The following LRRC37A variants were observed in gnomAD, a reference collection of about 807,000 sequenced individuals.
LRRC37A encodes the protein leucine-rich repeat-containing protein 37A.
A neutral mutation model predicts 35.4 loss-of-function variants in LRRC37A; 3 were observed. The observed-to-expected ratio is 0.08, with a 90% CI of 0.04 to 0.22. The LOEUF (loss-of-function observed/expected upper bound fraction) is 0.22, where lower values mean the gene tolerates loss of function less well. LRRC37A is among the 10% of genes least tolerant of loss of function. The pLI is 1.00. For missense variants in LRRC37A, 67 were observed against 565.3 expected (o/e 0.12, Z 8.94); for synonymous variants, 23 against 215.0 (o/e 0.11, Z 7.81).
the LRRC37A span, among the ~76,000 whole-genome samples, chr17:46,248,450 G>C: frequency 6.6e-6 from 1 of 152,074 alleles, no homozygotes; most frequent in South Asian, 2.1e-4. Context: ...CTATAGTTTT[G>C]CCTTTTCCAG....
chr17:46,259,583 C>T, the LRRC37A span: 9 of 1,612,216 alleles, frequency 5.6e-6, no homozygotes, highest in Admixed American at 1.5e-4. Flanking sequence ...TCAGCCCCAG[C>T]AGACCACAGG....
chr17:46,268,740 A>T, the LRRC37A span: 3 of 1,317,868 alleles, frequency 2.3e-6, no homozygotes. Context: ...ATCGGCAACA[A>T]GACATGAAAG....
chr17:46,263,777 C>T, the LRRC37A span, among the ~76,000 whole-genome samples: 1 of 150,594 alleles, frequency 6.6e-6, no homozygotes, highest in Non-Finnish European at 1.5e-5. Context: ...TCGCTTGAAC[C>T]TGGGAGGTGG....
chr17:46,281,217 C>G, the LRRC37A span, among the ~76,000 whole-genome samples: 4 of 152,158 alleles, frequency 2.6e-5, no homozygotes, highest in Middle Eastern at 3.4e-3. Context: ...TATCAACTGA[C>G]CCCTTGCTCC....
chr17:46,274,563 T>G, the LRRC37A span, among the ~76,000 whole-genome samples: 21,724 of 151,960 alleles, frequency 0.14, 1,892 homozygotes, highest in Non-Finnish European at 0.22. Context: ...TGATAAGATA[T>G]GGATGGATTA....
chr17:46,280,618 G>A, the LRRC37A span, among the ~76,000 whole-genome samples: 1 of 127,242 alleles, frequency 7.9e-6, no homozygotes, highest in Non-Finnish European at 1.6e-5. Context: ...CTGACACCCA[G>A]GCTGGAGTGC....
the LRRC37A span, among the ~76,000 whole-genome samples, chr17:46,276,192 CACA>C: frequency 2.0e-5 from 3 of 152,230 alleles, no homozygotes; most frequent in African/African-American, 7.2e-5. Flanking sequence ...AGGCTGGCCT[CACA>C]ACTTTTGTCA....
chr17:46,334,860 A>C (rs1221592917), intron 10 of LRRC37A: 3 of 137,920 alleles, frequency 2.2e-5, no homozygotes, highest in African/African-American at 5.1e-5. Context: ...AGAAAAAAAA[A>C]CCAATAAAAA....
At chr17:46,273,690 C>T in the LRRC37A span, among the ~76,000 whole-genome samples, 1 of 152,192 alleles carries the variant, frequency 6.6e-6, no homozygotes, top group Non-Finnish European at 1.5e-5. Context: ...GAAGCTATTA[C>T]CACAATGCAG....
At chr17:46,261,440 C>G in the LRRC37A span, among the ~76,000 whole-genome samples, 1 of 151,900 alleles carries the variant, frequency 6.6e-6, no homozygotes, top group Non-Finnish European at 1.5e-5. Context: ...GAGATGGAGT[C>G]TTGCTCTGTT....
At chr17:46,265,925 C>T in the LRRC37A span, among the ~76,000 whole-genome samples, 1 of 152,070 alleles carries the variant, frequency 6.6e-6, no homozygotes, top group African/African-American at 2.4e-5. Context: ...GGTGAAACCC[C>T]GTCTCTGCTA....
At chr17:46,269,488 C>T in the LRRC37A span, among the ~76,000 whole-genome samples, 7 of 152,198 alleles carry the variant, frequency 4.6e-5, no homozygotes, top group East Asian at 1.9e-4. Context: ...GCCGAGATCG[C>T]GCCAGCCTGG....
upstream of LRRC37A, among the ~76,000 whole-genome samples, chr17:46,289,245 T>G (rs957460246): frequency 6.6e-6 from 1 of 152,060 alleles, no homozygotes. Flanking sequence ...TGCAGTGACA[T>G]AAACACGGCT....
the LRRC37A span, among the ~76,000 whole-genome samples, chr17:46,253,609 C>T: frequency 2.0e-5 from 3 of 152,122 alleles, no homozygotes; most frequent in Non-Finnish European, 2.9e-5. Context: ...ACCAGTCAGG[C>T]GTGGCGGCGC....
chr17:46,273,143 A>C, the LRRC37A span, among the ~76,000 whole-genome samples: 1 of 152,246 alleles, frequency 6.6e-6, no homozygotes, highest in African/African-American at 2.4e-5. Flanking sequence ...ATATATTTCT[A>C]TATATATGAA....
At chr17:46,257,417 C>T in the LRRC37A span, among the ~76,000 whole-genome samples, 1 of 145,084 alleles carries the variant, frequency 6.9e-6, no homozygotes, top group South Asian at 2.1e-4. Flanking sequence ...CGTGCCACTG[C>T]ACTCTAGCCC....
the LRRC37A span, among the ~76,000 whole-genome samples, chr17:46,275,648 T>A: frequency 6.6e-6 from 1 of 152,242 alleles, no homozygotes; most frequent in African/African-American, 2.4e-5. Flanking sequence ...TTAAAATATG[T>A]ATGTATATAT....
the LRRC37A span, chr17:46,268,701 C>T: frequency 6.8e-7 from 1 of 1,461,248 alleles, no homozygotes; most frequent in Non-Finnish European, 9.1e-7. Flanking sequence ...TTGAAACAAC[C>T]ATCCTGGCAT....
At chr17:46,279,175 C>CTTTTTTTCTTTTTTTTTTTTT in the LRRC37A span, among the ~76,000 whole-genome samples, 1 of 147,784 alleles carries the variant, frequency 6.8e-6, no homozygotes, top group Non-Finnish European at 1.5e-5. Flanking sequence ...ATAAGGCATT[C>CTTTTTTTCTTTTTTTTTTTTT]TTTTTTTTCT....
Sources: allele counts gnomAD v4.1 joint callset (sites outside exome capture counted in the v4.1 genomes callset), GRCh38; gene constraint gnomAD v4.1.1; transcripts MANE v1.5; gene names NCBI Gene and HGNC (gene_info 2026-07-23, HGNC 2026-07-21).